BMPR2: variants seen among roughly 807,000 people sequenced by gnomAD.
The protein encoded by BMPR2 is bone morphogenetic protein receptor type 2.
BMPR2 carries 29 observed loss-of-function variants against 100.8 expected under a neutral mutation model. The observed-to-expected ratio is 0.29, with a 90% confidence interval of 0.21 to 0.39. The LOEUF is 0.39. Among genes scored for constraint, BMPR2 ranks in the 10% least tolerant of loss-of-function variants. The probability of loss-of-function intolerance (pLI) is 1.00; values close to 1 mark genes in which losing one functional copy is unlikely to be tolerated. For synonymous variants in BMPR2, 382 were observed against 442.3 expected (o/e 0.86, Z 1.71); for missense variants, 1,011 against 1,274.5 (o/e 0.79, Z 3.15).
intron 1 of BMPR2, among the ~76,000 whole-genome samples, chr2:202,398,883 C>G (rs1301555409): frequency 2.6e-5 from 4 of 152,160 alleles, no homozygotes; most frequent in African/African-American, 9.7e-5. Context: ...AATCCCAGCA[C>G]TTTGGGAGGC....
chr2:202,415,597 G>A (rs914077289), intron 1 of BMPR2, among the ~76,000 whole-genome samples: 5 of 152,190 alleles, frequency 3.3e-5, no homozygotes, highest in African/African-American at 9.7e-5. Context: ...AGTTGAAGCC[G>A]ATGGTTATTT....
chr2:202,536,043 C>G (rs548925591), intron 9 of BMPR2, among the ~76,000 whole-genome samples: 2 of 152,040 alleles, frequency 1.3e-5, no homozygotes, highest in African/African-American at 2.4e-5. Flanking sequence ...AGCTTCGGCT[C>G]GGCATGAGAG....
At chr2:202,449,922 G>A (rs372812964) in intron 1 of BMPR2, among the ~76,000 whole-genome samples, 3 of 151,862 alleles carry the variant, frequency 2.0e-5, no homozygotes, top group Non-Finnish European at 2.9e-5. Context: ...TCTGGCCCAC[G>A]TGGTGAATCC....
chr2:202,497,721 C>G (rs1693071707), intron 3 of BMPR2, among the ~76,000 whole-genome samples: 1 of 152,186 alleles, frequency 6.6e-6, no homozygotes, highest in Non-Finnish European at 1.5e-5. Context: ...CTAATGCCTG[C>G]CAGACAAACT....
intron 1 of BMPR2, among the ~76,000 whole-genome samples, chr2:202,434,925 ATATATATATATTTATT>A (rs1359730420): frequency 8.5e-6 from 1 of 118,026 alleles, no homozygotes; most frequent in African/African-American, 3.4e-5. Context: ...ATATATATAT[ATATATATATATTTATT>A]TATTTATTTA....
rs1442270999 is a variant in BMPR2 at position 202,456,087 on chromosome 2, A to C, written c.77-8722A>C. On this transcript the variant is annotated intron_variant, in intron 1 of 12. Coordinates refer to ENST00000374580, the MANE Select transcript of BMPR2 (RefSeq NM_001204.7). ...TCAAAAAAAAAAAAAAAAAAAAAAA[A>C]AAAAAAAAAAAAAAAGTTAAGTAGT... Among the ~76,000 whole-genome samples the C allele has an allele frequency of 4.4e-4, 58 of 132,242 alleles. 2 individuals carry two copies. The East Asian group carries it at 0.012, about 28-fold the overall frequency. 86.8% of individuals were successfully genotyped at this position (132,242 alleles called of 152,430 possible). A position where few individuals can be genotyped will look rare whatever the true frequency, so the allele number is the denominator to read the frequency against.
At chr2:202,505,325 ACT>A (rs1334840776) in intron 3 of BMPR2, 1 of 142,372 alleles carries the variant, frequency 7.0e-6, no homozygotes, top group Non-Finnish European at 1.5e-5. Context: ...TGTAGAGGAC[ACT>A]CTCTTAGGAG....
At chr2:202,401,981 A>G (rs1306679003) in intron 1 of BMPR2, among the ~76,000 whole-genome samples, 3 of 152,186 alleles carry the variant, frequency 2.0e-5, no homozygotes, top group Non-Finnish European at 4.4e-5. Flanking sequence ...TGTTAGTACA[A>G]TTTTGCTCGT....
At chr2:202,485,543 A>ATTTTTTTTTTTTTT (rs1574472655) in intron 3 of BMPR2, among the ~76,000 whole-genome samples, 1 of 14,050 alleles carries the variant, frequency 7.1e-5, no homozygotes, top group African/African-American at 1.5e-4. Context: ...CTTTGCCTTT[A>ATTTTTTTTTTTTTT]TCTTTTTTTT....
chr2:202,446,977 A>T (rs1350101143), intron 1 of BMPR2, among the ~76,000 whole-genome samples: 2 of 148,914 alleles, frequency 1.3e-5, no homozygotes, highest in Non-Finnish European at 2.9e-5. Context: ...CAGTTACATT[A>T]TGCTGGTGTT....
chr2:202,520,254 C>A, intron 7 of BMPR2, 53 bp downstream of exon 7: 3 of 1,229,144 alleles, frequency 2.4e-6, no homozygotes, highest in South Asian at 2.5e-5. Context: ...AAATTCACAA[C>A]AGGAAATTTT....
chr2:202,487,557 G>A (rs1030855983), intron 3 of BMPR2, among the ~76,000 whole-genome samples: 2 of 152,086 alleles, frequency 1.3e-5, no homozygotes, highest in Non-Finnish European at 2.9e-5. Flanking sequence ...CAATGCAAAC[G>A]CCAGAACACT....
intron 7 of BMPR2, among the ~76,000 whole-genome samples, chr2:202,528,401 A>G (rs1687957908): frequency 6.6e-6 from 1 of 152,054 alleles, no homozygotes; most frequent in Non-Finnish European, 1.5e-5. Context: ...GTTGGCCAGG[A>G]TGGTCTCGAT....
chr2:202,512,688 A>G (rs894443628), intron 3 of BMPR2, among the ~76,000 whole-genome samples: 3 of 152,176 alleles, frequency 2.0e-5, no homozygotes, highest in Non-Finnish European at 4.4e-5. Flanking sequence ...CACAGAATGG[A>G]ACTTAACACA....
At chr2:202,483,907 T>C (rs1202303954) in intron 3 of BMPR2, among the ~76,000 whole-genome samples, 1 of 152,052 alleles carries the variant, frequency 6.6e-6, no homozygotes, top group African/African-American at 2.4e-5. Context: ...GCCTGGGTAA[T>C]ATAGTGAGAC....
intron 1 of BMPR2, among the ~76,000 whole-genome samples, chr2:202,393,874 TGAGAGAGCGAGAGA>T (rs1574424947): frequency 3.9e-5 from 3 of 76,650 alleles, no homozygotes; most frequent in African/African-American, 1.5e-4. Flanking sequence ...ATTAAGGTAA[TGAGAGAGCGAGAGA>T]GAGAGAGAGA....
intron 1 of BMPR2, among the ~76,000 whole-genome samples, chr2:202,394,216 G>A (rs1213449154): frequency 6.6e-6 from 1 of 152,030 alleles, no homozygotes; most frequent in Non-Finnish European, 1.5e-5. Context: ...GATGGGCATG[G>A]CGGCAGGAAC....
At chr2:202,514,817 T>C in intron 4 of BMPR2, 71 bp from the exon 5 acceptor site, 1 of 1,225,132 alleles carries the variant, frequency 8.2e-7, no homozygotes, top group Non-Finnish European at 1.2e-6. Context: ...AAGTGTAATA[T>C]TATAAAAAGT....
intron 3 of BMPR2, among the ~76,000 whole-genome samples, chr2:202,497,160 G>A (rs1008155645): frequency 1.2e-4 from 19 of 152,302 alleles, no homozygotes; most frequent in Admixed American, 1.2e-3. Flanking sequence ...GGCAGGGCTC[G>A]GGCCTGCAGC....
Sources: gnomAD v4.1 joint callset for allele counts (sites outside exome capture counted in the v4.1 genomes callset) on GRCh38, gnomAD v4.1.1 for gene constraint, MANE v1.5 for transcripts, NCBI Gene and HGNC (gene_info 2026-07-23, HGNC 2026-07-21) for gene names.